The following MAML3 variants were observed in gnomAD, a reference collection of about 807,000 sequenced individuals.
The protein encoded by MAML3 is mastermind-like protein 3.
A neutral mutation model predicts 101.9 loss-of-function variants in MAML3; 27 were observed. That is an observed-to-expected ratio of 0.27 (90% CI 0.20 to 0.37). MAML3 has a LOEUF of 0.37. MAML3 is among the 10% of genes least tolerant of loss of function. MAML3 has a pLI of 1.00. For synonymous variants in MAML3, 501 were observed against 555.9 expected (o/e 0.90, Z 1.39); for missense variants, 1,316 against 1,444.9 (o/e 0.91, Z 1.45).
At chr4:140,091,736 C>T (rs1728055814) in intron 1 of MAML3, among the ~76,000 whole-genome samples, 1 of 152,008 alleles carries the variant, frequency 6.6e-6, no homozygotes, top group South Asian at 2.1e-4. Flanking sequence ...GTTTAGTCTA[C>T]TTATCAAGCC....
At chr4:139,946,889 C>CCACACA (rs544250515) in intron 1 of MAML3, among the ~76,000 whole-genome samples, 6,639 of 126,158 alleles carry the variant, frequency 0.053, 169 homozygotes, top group South Asian at 0.12. Context: ...GCAGAGTAAG[C>CCACACA]CACACACACA....
chr4:139,865,088 C>T (rs1731872020), intron 2 of MAML3, among the ~76,000 whole-genome samples: 1 of 152,006 alleles, frequency 6.6e-6, no homozygotes, highest in South Asian at 2.1e-4. Flanking sequence ...TTCTACCAAG[C>T]ATATTTGGGC....
chr4:139,995,047 G>C (rs1734779935), intron 1 of MAML3, among the ~76,000 whole-genome samples: 1 of 152,064 alleles, frequency 6.6e-6, no homozygotes, highest in Non-Finnish European at 1.5e-5. Flanking sequence ...CCTTTATCGG[G>C]ATGAGGAAAT....
At position 140,027,459 on chromosome 4, in the gene MAML3, G is replaced by A. The variant is rs918794950; in HGVS notation, c.468+125401C>T. Among the ~76,000 whole-genome samples, 16 of 152,186 alleles carry A rather than the reference G, an allele frequency of 1.1e-4. 1 individual carries two copies. Among genetic ancestry groups the A allele is most frequent in the Admixed American group, 7.9e-4 (12 of 15,274 alleles). Reference sequence around the variant, plus strand: ...TTAATCACCTACAGTGCCTGGGATCGTGCTCTGCACAGAACACTGCCAGGC... The same window carrying A: ...TTAATCACCTACAGTGCCTGGGATCATGCTCTGCACAGAACACTGCCAGGC... On this transcript the variant is annotated intron_variant, in intron 1 of 4. Coordinates refer to ENST00000509479, the MANE Select transcript of MAML3 (RefSeq NM_018717.5).
intron 2 of MAML3, among the ~76,000 whole-genome samples, chr4:139,884,892 A>G (rs1732295909): frequency 6.6e-6 from 1 of 152,382 alleles, no homozygotes; most frequent in South Asian, 2.1e-4. Context: ...AGTGCTAGGC[A>G]CTATGCAAAA....
At chr4:139,871,024 A>G (rs1179747675) in intron 2 of MAML3, among the ~76,000 whole-genome samples, 1 of 152,228 alleles carries the variant, frequency 6.6e-6, no homozygotes, top group East Asian at 1.9e-4. Flanking sequence ...TTGTGTGTAC[A>G]TACACAAATA....
chr4:139,984,798 T>C (rs998127645), intron 1 of MAML3, among the ~76,000 whole-genome samples: 3 of 152,176 alleles, frequency 2.0e-5, no homozygotes, highest in East Asian at 3.8e-4. Context: ...CACCCAGATA[T>C]CCCTGGGTAA....
intron 1 of MAML3, among the ~76,000 whole-genome samples, chr4:139,998,107 T>C (rs1734851868): frequency 6.6e-6 from 1 of 152,180 alleles, no homozygotes; most frequent in Non-Finnish European, 1.5e-5. Flanking sequence ...CTCTGTCTTC[T>C]CATTCTAGGA....
chr4:140,143,740 G>A (rs761636662), intron 1 of MAML3, among the ~76,000 whole-genome samples: 19 of 152,262 alleles, frequency 1.2e-4, no homozygotes, highest in South Asian at 2.1e-4. Context: ...TAGCCTGGGC[G>A]ACAGAGCGAG....
intron 1 of MAML3, among the ~76,000 whole-genome samples, chr4:140,090,293 G>T (rs1578679344): frequency 6.6e-6 from 1 of 152,204 alleles, no homozygotes; most frequent in South Asian, 2.1e-4. Flanking sequence ...TAGCGGAAAT[G>T]ATTCTAGGGC....
chr4:140,131,395 G>A (rs1404415336), intron 1 of MAML3, among the ~76,000 whole-genome samples: 1 of 152,134 alleles, frequency 6.6e-6, no homozygotes, highest in Non-Finnish European at 1.5e-5. Context: ...TGCACAAGAG[G>A]CGGGCTTACT....
At chr4:139,838,677 C>T (rs1731303664) in intron 2 of MAML3, among the ~76,000 whole-genome samples, 2 of 152,012 alleles carry the variant, frequency 1.3e-5, no homozygotes, top group Admixed American at 6.6e-5. Flanking sequence ...TTGCACTGTC[C>T]AAGTTTTCCA....
At chr4:140,087,162 A>C (rs1288320543) in intron 1 of MAML3, among the ~76,000 whole-genome samples, 1 of 152,210 alleles carries the variant, frequency 6.6e-6, no homozygotes, top group Non-Finnish European at 1.5e-5. Flanking sequence ...CATCTCAAAA[A>C]AGAAAATACA....
intron 1 of MAML3, among the ~76,000 whole-genome samples, chr4:139,925,622 T>C (rs1011336916): frequency 2.6e-5 from 4 of 152,128 alleles, no homozygotes; most frequent in Non-Finnish European, 5.9e-5. Context: ...GAGAGAATGA[T>C]AGGAACTGGG....
At chr4:140,146,185 T>G (rs558673986) in intron 1 of MAML3, among the ~76,000 whole-genome samples, 1 of 152,262 alleles carries the variant, frequency 6.6e-6, no homozygotes, top group South Asian at 2.1e-4. Context: ...CTTTTGAGAT[T>G]TTTTAATTAA....
At chr4:139,930,688 C>T (rs1190106247) in intron 1 of MAML3, among the ~76,000 whole-genome samples, 1 of 152,158 alleles carries the variant, frequency 6.6e-6, no homozygotes, top group Non-Finnish European at 1.5e-5. Context: ...CCTCAGTCAC[C>T]ACTTTCCCTG....
intron 1 of MAML3, among the ~76,000 whole-genome samples, chr4:140,119,606 C>T (rs1159709665): frequency 2.3e-5 from 1 of 43,248 alleles, no homozygotes; most frequent in Non-Finnish European, 4.3e-5. Flanking sequence ...TCCCTCCCTC[C>T]CTCCCTTCCT....
At chr4:140,091,512 T>C (rs556985751) in intron 1 of MAML3, among the ~76,000 whole-genome samples, 1 of 74,146 alleles carries the variant, frequency 1.3e-5, no homozygotes, top group Non-Finnish European at 3.1e-5. Context: ...GAATGATTAG[T>C]GTAAAACAAA....
intron 1 of MAML3, among the ~76,000 whole-genome samples, chr4:140,099,830 G>A (rs182345129): frequency 2.6e-5 from 4 of 152,106 alleles, no homozygotes; most frequent in East Asian, 3.9e-4. Flanking sequence ...ACTGCTCTCC[G>A]ACAGGGTTTT....
Sources: gnomAD v4.1 joint callset for allele counts (sites outside exome capture counted in the v4.1 genomes callset) on GRCh38, gnomAD v4.1.1 for gene constraint, MANE v1.5 for transcripts, NCBI Gene and HGNC (gene_info 2026-07-23, HGNC 2026-07-21) for gene names.